CSMD1: variants seen among roughly 807,000 people sequenced by gnomAD.
CSMD1 encodes the protein CUB and sushi domain-containing protein 1.
In CSMD1, 213 loss-of-function variants were observed where a neutral mutation model predicts 417.5. The observed-to-expected ratio is 0.51, with a 90% CI of 0.46 to 0.57. The LOEUF is 0.57. Among genes scored for constraint, CSMD1 ranks in the 20% least tolerant of loss-of-function variants. The pLI is 0.00. For missense variants in CSMD1, 6,923 were observed against 4,529.7 expected (o/e 1.53, Z -15.17); for synonymous variants, 2,862 against 1,736.8 (o/e 1.65, Z -16.11).
chr8:4,577,564 T>A (rs1189651816), intron 2 of CSMD1, among the ~76,000 whole-genome samples: 2 of 152,156 alleles, frequency 1.3e-5, no homozygotes, highest in African/African-American at 2.4e-5. Context: ...TTCCTCCGGG[T>A]GTGAAATTGC....
intron 5 of CSMD1, among the ~76,000 whole-genome samples, chr8:3,789,986 C>G (rs1202720220): frequency 6.6e-6 from 1 of 152,134 alleles, no homozygotes; most frequent in Non-Finnish European, 1.5e-5. Flanking sequence ...CCACCTCGGC[C>G]TCCCAAAGTG....
chr8:4,808,147 G>A (rs922970798), intron 1 of CSMD1, among the ~76,000 whole-genome samples: 2 of 152,174 alleles, frequency 1.3e-5, no homozygotes, highest in Admixed American at 1.3e-4. Flanking sequence ...CCACCACCAC[G>A]ATTCCGGCGG....
intron 1 of CSMD1, among the ~76,000 whole-genome samples, chr8:4,911,807 T>C (rs1445080744): frequency 6.6e-6 from 1 of 151,982 alleles, no homozygotes; most frequent in African/African-American, 2.4e-5. Context: ...TAGATTGGAG[T>C]TGCTCATTAA....
At chr8:4,077,352 A>G (rs1032725248) in intron 3 of CSMD1, among the ~76,000 whole-genome samples, 7 of 132,690 alleles carry the variant, frequency 5.3e-5, no homozygotes, top group African/African-American at 1.7e-4. Flanking sequence ...TATAATTTAT[A>G]TTTTTTATCA....
intron 6 of CSMD1, 145 bp from the exon 7 acceptor site, chr8:3,708,636 C>A: frequency 1.5e-6 from 1 of 655,124 alleles, no homozygotes; most frequent in Non-Finnish European, 2.7e-6. Flanking sequence ...GATACCAAGT[C>A]AATGAAGTCA....
At chr8:3,512,362 C>A (rs1797111955) in intron 10 of CSMD1, among the ~76,000 whole-genome samples, 1 of 152,168 alleles carries the variant, frequency 6.6e-6, no homozygotes, top group Non-Finnish European at 1.5e-5. Flanking sequence ...CAGACTTCAG[C>A]TCAGAAATTC....
At chr8:3,903,598 T>C (rs886792670) in intron 5 of CSMD1, among the ~76,000 whole-genome samples, 1 of 152,212 alleles carries the variant, frequency 6.6e-6, no homozygotes, top group Non-Finnish European at 1.5e-5. Context: ...TCATACTTAG[T>C]TCACTACTCT....
chr8:3,766,940 G>T (rs940542315), intron 5 of CSMD1, among the ~76,000 whole-genome samples: 2 of 152,102 alleles, frequency 1.3e-5, no homozygotes, highest in Non-Finnish European at 2.9e-5. Context: ...GAGTCCGACG[G>T]CAACAGATGC....
At chr8:4,058,959 A>T (rs1798834699) in intron 3 of CSMD1, among the ~76,000 whole-genome samples, 2 of 152,022 alleles carry the variant, frequency 1.3e-5, no homozygotes, top group African/African-American at 4.8e-5. Context: ...ACATCTACAG[A>T]ACTCTCCACC....
rs182297061 is a variant in CSMD1, at chr8:3,335,182, G to C, written c.3631+8112C>G. Among the ~76,000 whole-genome samples the C allele has an allele frequency of 3.8e-4, 58 of 152,220 alleles. No individual in the cohort carries two copies. In the East Asian group the frequency reaches 8.7e-3, roughly 23 times the overall value. On this transcript the variant is annotated intron_variant, in intron 23 of 69. Coordinates refer to ENST00000635120, the MANE Select transcript of CSMD1 (RefSeq NM_033225.6). Reference sequence around the variant, plus strand: ...TCTCTCCCTCCCTCTCATGTCACTTGTTAGGGGTATTGGTGAACCAGCCTC... The same window carrying C: ...TCTCTCCCTCCCTCTCATGTCACTTCTTAGGGGTATTGGTGAACCAGCCTC...
chr8:3,955,804 CT>C (rs1811901049), intron 5 of CSMD1, among the ~76,000 whole-genome samples: 1 of 152,208 alleles, frequency 6.6e-6, no homozygotes, highest in African/African-American at 2.4e-5. Context: ...AATCATATCT[CT>C]GGTTGATTAA....
At chr8:3,944,007 G>C (rs1393655579) in intron 5 of CSMD1, among the ~76,000 whole-genome samples, 1 of 152,094 alleles carries the variant, frequency 6.6e-6, no homozygotes, top group African/African-American at 2.4e-5. Flanking sequence ...TTAATATATT[G>C]ACTTTAATAG....
intron 5 of CSMD1, among the ~76,000 whole-genome samples, chr8:3,853,375 A>C (rs1240210516): frequency 6.6e-6 from 1 of 152,148 alleles, no homozygotes; most frequent in Non-Finnish European, 1.5e-5. Context: ...ATTGTTATGT[A>C]ATGTAATGCA....
At chr8:4,905,742 A>C (rs11777961) in intron 1 of CSMD1, among the ~76,000 whole-genome samples, 55,978 of 148,464 alleles carry the variant, frequency 0.38, 10,709 homozygotes, top group East Asian at 0.58. Context: ...ATGGCGTGAA[A>C]CCGGGAGGCG....
At chr8:3,051,033 G>C (rs1811784353) in intron 50 of CSMD1, among the ~76,000 whole-genome samples, 1 of 152,210 alleles carries the variant, frequency 6.6e-6, no homozygotes. Flanking sequence ...GTGGAAAGCA[G>C]TGTGGTGATT....
intron 49 of CSMD1, among the ~76,000 whole-genome samples, chr8:3,055,611 A>G (rs1056289353): frequency 6.6e-6 from 1 of 152,238 alleles, no homozygotes; most frequent in South Asian, 2.1e-4. Context: ...AAAAATGCGA[A>G]TTAGCATTGG....
At chr8:3,686,211 G>A (rs1312382747) in intron 7 of CSMD1, among the ~76,000 whole-genome samples, 1 of 152,052 alleles carries the variant, frequency 6.6e-6, no homozygotes, top group Non-Finnish European at 1.5e-5. Context: ...GTTAGAGTGT[G>A]GGTCACCCCC....
At chr8:4,055,471 T>G (rs779322286) in intron 3 of CSMD1, among the ~76,000 whole-genome samples, 1 of 152,036 alleles carries the variant, frequency 6.6e-6, no homozygotes, top group African/African-American at 2.4e-5. Context: ...ATAAATTATA[T>G]GAAATACATA....
At chr8:3,931,969 TTAAAA>T (rs1320387079) in intron 5 of CSMD1, among the ~76,000 whole-genome samples, 2 of 149,384 alleles carry the variant, frequency 1.3e-5, no homozygotes, top group Non-Finnish European at 3.0e-5. Context: ...TTTTAAAAAA[TTAAAA>T]TAGTATTGAT....
Sources: allele counts gnomAD v4.1 joint callset (sites outside exome capture counted in the v4.1 genomes callset), GRCh38; gene constraint gnomAD v4.1.1; transcripts MANE v1.5; gene names NCBI Gene and HGNC (gene_info 2026-07-23, HGNC 2026-07-21).